PLEKHA6: variants seen among roughly 807,000 people sequenced by gnomAD.
PLEKHA6 encodes pleckstrin homology domain containing A6, also known as pleckstrin homology domain-containing family A member 6.
In PLEKHA6, 60 loss-of-function variants were observed where a neutral mutation model predicts 116.7. The ratio of observed to expected loss-of-function variants is 0.51; its 90% CI spans 0.42 to 0.64. The LOEUF is 0.64. Ranked by LOEUF, PLEKHA6 falls within the 30% of genes least tolerant of loss-of-function variation. PLEKHA6 has a pLI of 0.00. For missense variants in PLEKHA6, 1,338 were observed against 1,422.7 expected, an observed-to-expected ratio of 0.94 and a Z score of 0.96; for synonymous variants, 489 against 556.1, an observed-to-expected ratio of 0.88 and a Z score of 1.70.
intron 17 of PLEKHA6, among the ~76,000 whole-genome samples, chr1:204,234,977 T>TAACTAATAGC (rs1352479244): frequency 7.7e-4 from 11 of 14,250 alleles, no homozygotes; most frequent in African/African-American, 5.1e-3. Flanking sequence ...TATATATATA[T>TAACTAATAGC]ATATATATAT....
intron 17 of PLEKHA6, 24 bp downstream of exon 17, chr1:204,241,351 G>A (rs747584752): frequency 4.6e-5 from 67 of 1,465,934 alleles, no homozygotes; most frequent in Non-Finnish European, 5.6e-5. Flanking sequence ...GCTCAGGCCT[G>A]CATGAGCTTG....
chr1:204,258,381 C>T (rs376973742), intron 8 of PLEKHA6, among the ~76,000 whole-genome samples: 3 of 152,230 alleles, frequency 2.0e-5, no homozygotes, highest in African/African-American at 7.2e-5. Flanking sequence ...CTCCCACATC[C>T]ACCTGTAGAG....
chr1:204,286,694 C>T (rs1409938302), intron 1 of PLEKHA6, among the ~76,000 whole-genome samples: 1 of 152,136 alleles, frequency 6.6e-6, no homozygotes, highest in Non-Finnish European at 1.5e-5. Context: ...TTTGCATCCC[C>T]CATGAAGCCC....
At chr1:204,363,476 C>A (rs1673597516), upstream of PLEKHA6, among the ~76,000 whole-genome samples, 2 of 152,312 alleles carry the variant, frequency 1.3e-5, no homozygotes, top group East Asian at 1.9e-4. Flanking sequence ...AGCTTGGGAA[C>A]CGGGTTATCA....
Position 204,322,223 on chromosome 1 carries a change from C to A in PLEKHA6, c.-95+37471G>T, listed in dbSNP as rs551681718. Among the ~76,000 whole-genome samples the A allele has an allele frequency of 2.0e-5, 3 of 152,256 alleles. 1 individual carries two copies. In the South Asian group the frequency reaches 6.2e-4, roughly 32 times the overall value. ...GGACCTCAGGTCCGTCTGAACCCGC[C>A]CCCCTACACACACCCCTTTAGTCTC... is the stretch of plus-strand genomic sequence containing the variant. On this transcript the variant is annotated intron_variant, in intron 1 of 22. Transcript: ENST00000272203.
At chr1:204,345,582 G>A (rs752398136) in intron 1 of PLEKHA6, among the ~76,000 whole-genome samples, 8 of 151,994 alleles carry the variant, frequency 5.3e-5, no homozygotes, top group African/African-American at 1.2e-4. Context: ...GGATCTCCCC[G>A]TTACCCTCCC....
chr1:204,323,307 C>T (rs921237295), intron 1 of PLEKHA6, among the ~76,000 whole-genome samples: 4 of 152,246 alleles, frequency 2.6e-5, no homozygotes, highest in African/African-American at 9.6e-5. Flanking sequence ...AGGTCTTTTG[C>T]ATCGTTATCT....
intron 2 of PLEKHA6, among the ~76,000 whole-genome samples, chr1:204,371,125 ATG>A (rs1673766843): frequency 6.6e-6 from 1 of 151,880 alleles, no homozygotes; most frequent in Non-Finnish European, 1.5e-5. Flanking sequence ...TCATTGCCAC[ATG>A]TGGCTCATGG....
intron 1 of PLEKHA6, among the ~76,000 whole-genome samples, chr1:204,346,302 G>A (rs975224120): frequency 6.8e-4 from 103 of 152,250 alleles, no homozygotes; most frequent in African/African-American, 1.9e-3. Context: ...CAGCTGACAG[G>A]CCCTCTCTGT....
intron 5 of PLEKHA6, among the ~76,000 whole-genome samples, chr1:204,265,959 T>TG (rs894867848): frequency 2.6e-4 from 39 of 151,860 alleles, no homozygotes; most frequent in African/African-American, 7.7e-4. Context: ...TGTGGGACAG[T>TG]GGGGGGGACA....
intron 1 of PLEKHA6, chr1:204,309,829 T>C (rs1162527067): frequency 2.9e-6 from 1 of 339,480 alleles, no homozygotes; most frequent in Non-Finnish European, 4.2e-6. Context: ...GGGTTAGATA[T>C]ATATTTTTAG....
At chr1:204,317,850 ACTTAAT>A (rs1428276543) in intron 1 of PLEKHA6, among the ~76,000 whole-genome samples, 1 of 152,238 alleles carries the variant, frequency 6.6e-6, no homozygotes, top group East Asian at 1.9e-4. Context: ...TGACTCAGCC[ACTTAAT>A]CTTTCTATGC....
intron 1 of PLEKHA6, among the ~76,000 whole-genome samples, chr1:204,279,383 A>G (rs1668361657): frequency 6.6e-6 from 1 of 152,230 alleles, no homozygotes; most frequent in Non-Finnish European, 1.5e-5. Flanking sequence ...TCCCTTTGCC[A>G]ATAAACTGCA....
At chr1:204,314,852 A>C (rs941429595) in intron 1 of PLEKHA6, among the ~76,000 whole-genome samples, 4 of 152,182 alleles carry the variant, frequency 2.6e-5, no homozygotes, top group African/African-American at 9.7e-5. Flanking sequence ...AGTAGGGAAT[A>C]GTACTCAGGG....
chr1:204,368,579 C>T (rs1027649673), intron 2 of PLEKHA6: 11 of 152,432 alleles, frequency 7.2e-5, no homozygotes, highest in African/African-American at 2.7e-4. Flanking sequence ...CATAGCACCT[C>T]CATCTCCAAA....
chr1:204,371,461 A>G (rs1673777626), intron 2 of PLEKHA6: 1 of 152,332 alleles, frequency 6.6e-6, no homozygotes, highest in African/African-American at 2.4e-5. Context: ...GGGGCACAGG[A>G]TTCCTGCTGC....
intron 1 of PLEKHA6, among the ~76,000 whole-genome samples, chr1:204,286,997 A>T (rs1476690407): frequency 6.6e-6 from 1 of 152,142 alleles, no homozygotes; most frequent in Non-Finnish European, 1.5e-5. Flanking sequence ...GCTGAAAGCC[A>T]CAAGGGGGTT....
chr1:204,302,813 T>C (rs1403460699), intron 1 of PLEKHA6, among the ~76,000 whole-genome samples: 1 of 151,696 alleles, frequency 6.6e-6, no homozygotes, highest in African/African-American at 2.4e-5. Context: ...GAGGTGGAGG[T>C]TGTGGTGAGC....
Position 204,221,399 on chromosome 1 carries a change from T to A in PLEKHA6, c.*1389A>T, listed in dbSNP as rs1319131759. 6.6e-6 allele frequency: 1 copy of A among 152,630 alleles called. No homozygotes were observed. Among genetic ancestry groups the A allele is most frequent in the Non-Finnish European group, 1.5e-5 (1 of 68,038 alleles). 9.5% of individuals were successfully genotyped at this position (152,630 alleles called of 1,614,324 possible). A position where few individuals can be genotyped will look rare whatever the true frequency, so the allele number is the denominator to read the frequency against. Reference sequence around the variant, plus strand: ...CGGTGTCTTCAGTTTCCCTCCTTCCTCCTCTCTGGCTACATTCGTCTCCAG... The same window carrying A: ...CGGTGTCTTCAGTTTCCCTCCTTCCACCTCTCTGGCTACATTCGTCTCCAG... On this transcript the variant is annotated 3_prime_UTR_variant, in exon 23 of 23. Transcript: ENST00000272203.
Sources: allele counts gnomAD v4.1 joint callset (sites outside exome capture counted in the v4.1 genomes callset), GRCh38; gene constraint gnomAD v4.1.1; transcripts MANE v1.5; gene names NCBI Gene and HGNC (gene_info 2026-07-23, HGNC 2026-07-21).